GON4L: variants seen among roughly 807,000 people sequenced by gnomAD.
The protein encoded by GON4L is GON-4-like protein.
A neutral mutation model predicts 211.8 loss-of-function variants in GON4L; 87 were observed. The ratio of observed to expected loss-of-function variants is 0.41; its 90% CI spans 0.35 to 0.49. The LOEUF (loss-of-function observed/expected upper bound fraction) is 0.49. GON4L is among the 20% of genes least tolerant of loss of function. The pLI is 0.15. For missense variants in GON4L, 2,155 were observed against 2,659.5 expected (o/e 0.81, Z 4.17); for synonymous variants, 875 against 962.6 (o/e 0.91, Z 1.68).
chr1:155,812,605 G>A (rs1165491840), intron 10 of GON4L, among the ~76,000 whole-genome samples: 1 of 151,340 alleles, frequency 6.6e-6, no homozygotes, highest in Admixed American at 6.6e-5. Context: ...GCCCAGGCTG[G>A]AGTGCAGTGG....
intron 10 of GON4L, among the ~76,000 whole-genome samples, chr1:155,811,546 AG>A (rs1442461399): frequency 6.6e-6 from 1 of 151,336 alleles, no homozygotes; most frequent in Non-Finnish European, 1.5e-5. Flanking sequence ...ACTTGAGGTC[AG>A]GAGTTCGAGA....
intron 2 of GON4L, among the ~76,000 whole-genome samples, chr1:155,844,122 G>C (rs1671019180): frequency 6.6e-6 from 1 of 152,210 alleles, no homozygotes; most frequent in African/African-American, 2.4e-5. Context: ...GGCAGCAATA[G>C]GGGTGGTGGC....
intron 2 of GON4L, among the ~76,000 whole-genome samples, chr1:155,848,268 C>T (rs561787000): frequency 6.6e-6 from 1 of 152,288 alleles, no homozygotes; most frequent in East Asian, 1.9e-4. Flanking sequence ...ATAACTCATA[C>T]CCAAATCTGA....
At chr1:155,797,939 A>G (rs1357209713) in intron 11 of GON4L, among the ~76,000 whole-genome samples, 1 of 151,366 alleles carries the variant, frequency 6.6e-6, no homozygotes, top group South Asian at 2.1e-4. Flanking sequence ...AAATTAGCCA[A>G]GTGTCGTGGT....
chr1:155,746,095 G>A, downstream of GON4L: 1 of 850,482 alleles, frequency 1.2e-6, no homozygotes, highest in Non-Finnish European at 1.7e-6. Context: ...GACGCTGCAC[G>A]GCCAGGAGAC....
intron 12 of GON4L, among the ~76,000 whole-genome samples, chr1:155,788,274 T>G (rs1665161774): frequency 1.3e-5 from 2 of 152,198 alleles, no homozygotes; most frequent in Admixed American, 1.3e-4. Flanking sequence ...ATTACAGGTG[T>G]GCGCCACCAT....
At chr1:155,754,749 C>T (rs1300755599) in intron 27 of GON4L, among the ~76,000 whole-genome samples, 1 of 151,396 alleles carries the variant, frequency 6.6e-6, no homozygotes, top group Admixed American at 6.6e-5. Context: ...AGGCTGGTCT[C>T]GAACTCCTGA....
chr1:155,754,442 T>C lies in GON4L; in HGVS notation c.5564A>G (p.His1855Arg), dbSNP rs759577566. The C allele has an allele frequency of 3.1e-6, 5 of 1,612,544 alleles. No homozygotes were observed. Among genetic ancestry groups the C allele is most frequent in the African/African-American group, 2.7e-5 (2 of 74,728 alleles). Reference sequence around the variant, plus strand: ...CAGCTTGGAATCTGGACCTCCTTCATGGCAGGAGCAGGCACAGTCCTTGGC... The same window carrying C: ...CAGCTTGGAATCTGGACCTCCTTCACGGCAGGAGCAGGCACAGTCCTTGGC... ...DGAKDCACSC[H>R]EGGPDSKLKK... is the part of the protein sequence containing the mutation. The change falls in exon 28 of 32, where the codon CAT (histidine) becomes CGT (arginine). Residue 1855 changes from histidine (H) to arginine (R), a missense_variant. This residue lies in a region of GON4L where 455 missense variants were observed against 504.6 expected (regional missense o/e 0.90). Transcript: ENST00000368331.
chr1:155,840,598 T>A (rs971571935), intron 2 of GON4L, among the ~76,000 whole-genome samples: 1 of 152,182 alleles, frequency 6.6e-6, no homozygotes, highest in African/African-American at 2.4e-5. Context: ...TATTAACTAA[T>A]CAATGTGCTT....
intron 22 of GON4L, among the ~76,000 whole-genome samples, chr1:155,763,031 G>A (rs1220033645): frequency 4.0e-5 from 6 of 150,462 alleles, no homozygotes; most frequent in East Asian, 1.9e-4. Flanking sequence ...GCAAGACTCC[G>A]TCTCAAAAAA....
At chr1:155,755,765 T>A (rs373351564) in intron 27 of GON4L, among the ~76,000 whole-genome samples, 28 of 152,156 alleles carry the variant, frequency 1.8e-4, no homozygotes, top group African/African-American at 5.1e-4. Context: ...TCTCTTCCAA[T>A]CCCCTTCAGA....
intron 24 of GON4L, among the ~76,000 whole-genome samples, chr1:155,759,552 C>T (rs1001152056): frequency 1.1e-4 from 16 of 150,316 alleles, no homozygotes; most frequent in African/African-American, 3.9e-4. Context: ...CCAGCCTGGG[C>T]AACAAGAGTG....
Position 155,827,072 on chromosome 1 carries a change from G to A in GON4L, c.506-44C>T, listed in dbSNP as rs369298707. ...TTGCTCCACACTTTGACCATTCTCA[G>A]TCATACTCTGTTGTAGAATTTAGCA... is the stretch of plus-strand genomic sequence containing the variant. On this transcript the variant is annotated intron_variant, in intron 2 of 31. Coordinates refer to ENST00000368331, the MANE Select transcript of GON4L (RefSeq NM_001282860.2). 6 of 1,362,658 alleles carry A rather than the reference G, an allele frequency of 4.4e-6. No individual in the cohort carries two copies. The African/African-American group carries it at 8.6e-5, about 19-fold the overall frequency. The allele number at this position is 1,362,658 out of a possible 1,614,324, so 84.4% of individuals were successfully genotyped here. A position where few individuals can be genotyped will look rare whatever the true frequency, so the allele number is the denominator to read the frequency against.
chr1:155,823,632 C>A (rs1668917399), intron 3 of GON4L, among the ~76,000 whole-genome samples: 3 of 152,196 alleles, frequency 2.0e-5, no homozygotes, highest in African/African-American at 4.8e-5. Flanking sequence ...CAGTGGCTCA[C>A]ACCTATAATT....
intron 6 of GON4L, among the ~76,000 whole-genome samples, chr1:155,819,381 G>A (rs1257733514): frequency 2.6e-5 from 4 of 152,160 alleles, no homozygotes; most frequent in Non-Finnish European, 5.9e-5. Flanking sequence ...TTCTTCAACT[G>A]TAGGAAAAGT....
At chr1:155,820,093 T>C (rs998619266) in intron 6 of GON4L, among the ~76,000 whole-genome samples, 2 of 152,102 alleles carry the variant, frequency 1.3e-5, no homozygotes, top group African/African-American at 4.8e-5. Context: ...TTTGTATTTT[T>C]AGTAGAGACA....
chr1:155,854,989 A>G (rs1765280), intron 1 of GON4L, among the ~76,000 whole-genome samples: 141,665 of 151,284 alleles, frequency 0.94, 67,069 homozygotes, highest in East Asian at 1. Context: ...AGCCGAGATC[A>G]CTCCCCATTG....
chr1:155,845,009 T>C (rs1671095061), intron 2 of GON4L, among the ~76,000 whole-genome samples: 1 of 152,200 alleles, frequency 6.6e-6, no homozygotes, highest in Non-Finnish European at 1.5e-5. Context: ...CCTCCAGTGC[T>C]AGGCAGGGCC....
chr1:155,823,731 C>G (rs1009360784), intron 3 of GON4L, among the ~76,000 whole-genome samples: 27 of 151,998 alleles, frequency 1.8e-4, no homozygotes, highest in Admixed American at 1.8e-3. Context: ...CTCGTCTCTA[C>G]TGAAAATACA....
Sources: allele counts gnomAD v4.1 joint callset (sites outside exome capture counted in the v4.1 genomes callset), GRCh38; gene constraint gnomAD v4.1.1; regional missense constraint gnomAD v4.1.1; transcripts MANE v1.5; gene names NCBI Gene and HGNC (gene_info 2026-07-23, HGNC 2026-07-21).